KCNAB1: variants seen among roughly 807,000 people sequenced by gnomAD.
KCNAB1 encodes the protein potassium voltage-gated channel subfamily A regulatory beta subunit 1.
In KCNAB1, 35 loss-of-function variants were observed where a neutral mutation model predicts 64.6. The ratio of observed to expected loss-of-function variants is 0.54; its 90% CI spans 0.41 to 0.72. The LOEUF is 0.72. KCNAB1 is among the 30% of genes least tolerant of loss of function. KCNAB1 has a pLI of 0.00. For missense variants in KCNAB1, 401 were observed against 512.9 expected (o/e 0.78, Z 2.11); for synonymous variants, 177 against 183.8 (o/e 0.96, Z 0.30).
chr3:156,221,394 A>G (rs1028643713), intron 1 of KCNAB1, among the ~76,000 whole-genome samples: 10 of 152,152 alleles, frequency 6.6e-5, no homozygotes, highest in African/African-American at 2.4e-4. Flanking sequence ...ATAAAGGAAA[A>G]CCTATCAGAT....
At chr3:156,178,979 A>C (rs936869273) in intron 1 of KCNAB1, among the ~76,000 whole-genome samples, 8 of 139,618 alleles carry the variant, frequency 5.7e-5, no homozygotes, top group Non-Finnish European at 1.2e-4. Flanking sequence ...CCAACCTGGG[A>C]GACACAGCGA....
At chr3:156,345,342 A>G (rs951132277) in intron 1 of KCNAB1, among the ~76,000 whole-genome samples, 1 of 152,254 alleles carries the variant, frequency 6.6e-6, no homozygotes, top group Non-Finnish European at 1.5e-5. Flanking sequence ...TAATCTTAAT[A>G]CAAGGAAAAA....
At chr3:156,329,041 G>C (rs1020474456) in intron 1 of KCNAB1, among the ~76,000 whole-genome samples, 1 of 151,886 alleles carries the variant, frequency 6.6e-6, no homozygotes, top group Non-Finnish European at 1.5e-5. Context: ...GTTACAGTGC[G>C]GTTTAAAAAA....
intron 1 of KCNAB1, among the ~76,000 whole-genome samples, chr3:156,253,834 C>A (rs141496647): frequency 1.5e-4 from 23 of 152,300 alleles, no homozygotes; most frequent in Middle Eastern, 3.4e-3. Context: ...TTTAACAAGT[C>A]TTCTGTGTGA....
chr3:156,253,731 C>A (rs1717955513), intron 1 of KCNAB1, among the ~76,000 whole-genome samples: 1 of 152,188 alleles, frequency 6.6e-6, no homozygotes, highest in African/African-American at 2.4e-5. Context: ...GCAGTGTCAA[C>A]ATCAACCTGG....
intron 8 of KCNAB1, among the ~76,000 whole-genome samples, chr3:156,500,355 C>T (rs190732887): frequency 6.6e-6 from 1 of 152,234 alleles, no homozygotes; most frequent in Non-Finnish European, 1.5e-5. Context: ...GACTGCATTT[C>T]CAGTGACATG....
intron 1 of KCNAB1, among the ~76,000 whole-genome samples, chr3:156,361,166 CT>C (rs1430579370): frequency 6.6e-6 from 1 of 152,180 alleles, no homozygotes; most frequent in Non-Finnish European, 1.5e-5. Context: ...CTCATCTCAG[CT>C]TACTCTGCTC....
At chr3:156,448,562 C>T (rs969803286) in intron 2 of KCNAB1, among the ~76,000 whole-genome samples, 2 of 152,128 alleles carry the variant, frequency 1.3e-5, no homozygotes, top group Admixed American at 6.5e-5. Context: ...GGCCACTTAC[C>T]CATCTGCTTG....
At chr3:156,393,131 T>C (rs1313795790) in intron 1 of KCNAB1, among the ~76,000 whole-genome samples, 2 of 152,138 alleles carry the variant, frequency 1.3e-5, no homozygotes, top group East Asian at 3.9e-4. Context: ...GCAGATCACA[T>C]TGGAGTTGGA....
intron 1 of KCNAB1, among the ~76,000 whole-genome samples, chr3:156,274,916 C>T (rs1201741306): frequency 1.3e-5 from 2 of 152,138 alleles, no homozygotes; most frequent in Non-Finnish European, 2.9e-5. Context: ...TTCAAGTATA[C>T]AATGCAGTAT....
chr3:156,463,823 T>C (rs894114972), intron 6 of KCNAB1, 77 bp downstream of exon 6: 8 of 1,145,800 alleles, frequency 7.0e-6, no homozygotes, highest in Non-Finnish European at 1.0e-5. Context: ...ATTTTACATA[T>C]AACGTACCAA....
intron 1 of KCNAB1, among the ~76,000 whole-genome samples, chr3:156,401,021 T>G (rs1713853931): frequency 1.3e-5 from 2 of 152,222 alleles, no homozygotes; most frequent in Non-Finnish European, 2.9e-5. Flanking sequence ...GAAGAGAACT[T>G]ATTGAACTTT....
intron 2 of KCNAB1, among the ~76,000 whole-genome samples, chr3:156,437,139 A>C (rs74753824): frequency 0.083 from 12,641 of 152,232 alleles, 1,126 homozygotes; most frequent in African/African-American, 0.21. Flanking sequence ...CATGCAATTT[A>C]TATAAGCAGT....
chr3:156,506,451 T>G (rs1045023087), intron 8 of KCNAB1, among the ~76,000 whole-genome samples: 1 of 151,686 alleles, frequency 6.6e-6, no homozygotes, highest in Non-Finnish European at 1.5e-5. Context: ...AAATCATATT[T>G]GGGCAATATC....
Position 156,455,973 on chromosome 3 carries a change from CG to C in KCNAB1, c.358-1479del. 4 of 152,476 alleles carry C rather than the reference CG, an allele frequency of 2.6e-5. No homozygotes were observed. In the South Asian group the frequency reaches 8.3e-4, roughly 32 times the overall value. 9.4% of individuals were successfully genotyped at this position (152,476 alleles called of 1,614,324 possible). A position where few individuals can be genotyped will look rare whatever the true frequency, so the allele number is the denominator to read the frequency against. On this transcript the variant is annotated intron_variant, in intron 3 of 13. Transcript: ENST00000490337. ...CTCACTCGTAGGCCCCCCAGGCCCC[CG>C]CTAGAGGGAGGTGAAGTCAGCTTTG... is the stretch of plus-strand genomic sequence containing the variant.
At chr3:156,364,743 A>C (rs909465439) in intron 1 of KCNAB1, among the ~76,000 whole-genome samples, 4 of 152,092 alleles carry the variant, frequency 2.6e-5, no homozygotes, top group African/African-American at 9.7e-5. Flanking sequence ...GCACCGTTGC[A>C]CTCCAGCCTG....
rs989526332 is a variant in KCNAB1, at chr3:156,538,308, T to A, written c.*1561T>A. On this transcript the variant is annotated 3_prime_UTR_variant, in exon 14 of 14. Coordinates refer to ENST00000490337, the MANE Select transcript of KCNAB1 (RefSeq NM_172160.3). ...TGTAATATTATTTTAAAATGCGATT[T>A]TTCTGTCATTAGTTCTAGATATGTA... 1 of 152,184 alleles carries A rather than the reference T, an allele frequency of 6.6e-6. No individual in the cohort carries two copies. Among genetic ancestry groups the A allele is most frequent in the Non-Finnish European group, 1.5e-5 (1 of 68,034 alleles). 9.4% of individuals were successfully genotyped at this position (152,184 alleles called of 1,614,324 possible).
chr3:156,362,084 T>C (rs1725651316), intron 1 of KCNAB1, among the ~76,000 whole-genome samples: 1 of 152,258 alleles, frequency 6.6e-6, no homozygotes, highest in Non-Finnish European at 1.5e-5. Context: ...ATAGAGCTTA[T>C]ATCTGTATCT....
At chr3:156,268,588 G>T (rs150835148) in intron 1 of KCNAB1, among the ~76,000 whole-genome samples, 1 of 151,996 alleles carries the variant, frequency 6.6e-6, no homozygotes, top group Non-Finnish European at 1.5e-5. Flanking sequence ...ATGATATCTC[G>T]TTGTTGTTTT....
Sources: allele counts gnomAD v4.1 joint callset (sites outside exome capture counted in the v4.1 genomes callset), GRCh38; gene constraint gnomAD v4.1.1; transcripts MANE v1.5; gene names NCBI Gene and HGNC (gene_info 2026-07-23, HGNC 2026-07-21).